The following LPXN variants were observed in gnomAD, a reference collection of about 807,000 sequenced individuals.
LPXN encodes the protein leupaxin.
Under a neutral mutation model 45.6 loss-of-function variants are expected in LPXN, and 28 were observed. That is an observed-to-expected ratio of 0.61 (90% confidence interval 0.45 to 0.84). The LOEUF (loss-of-function observed/expected upper bound fraction) is 0.84. Ranked by LOEUF, LPXN falls within the 40% of genes least tolerant of loss-of-function variation. The pLI, the probability that LPXN is intolerant of heterozygous loss-of-function variation, is 0.00. For synonymous variants in LPXN, 166 were observed against 169.9 expected (o/e 0.98, Z 0.18); for missense variants, 459 against 475.0 (o/e 0.97, Z 0.31).
intron 3 of LPXN, among the ~76,000 whole-genome samples, chr11:58,561,260 G>GA (rs575779310): frequency 4.1e-3 from 626 of 152,074 alleles, no homozygotes; most frequent in Non-Finnish European, 7.2e-3. Flanking sequence ...TTACCAGCCA[G>GA]AAAAAAAGTA....
intron 7 of LPXN, among the ~76,000 whole-genome samples, chr11:58,531,179 A>T (rs1853376475): frequency 6.6e-6 from 1 of 152,126 alleles, no homozygotes; most frequent in Non-Finnish European, 1.5e-5. Context: ...ACACCAAGGG[A>T]ACAAAACTGG....
Position 58,573,246 on chromosome 11 carries a change from CA to C in LPXN, c.13+2513del, listed in dbSNP as rs59534059. On this transcript the variant is annotated intron_variant, in intron 1 of 8. Transcript: ENST00000395074. ...GGGCAACAAGAGCAAAACTCCGTCT[CA>C]AAAAAAAAAAAAAAGAAAAGAAAAG... Among the ~76,000 whole-genome samples, 444 of 90,440 alleles carry C rather than the reference CA, an allele frequency of 4.9e-3. 2 individuals are homozygous for C. Among genetic ancestry groups the C allele is most frequent in the African/African-American group, 9.5e-3 (295 of 31,058 alleles). The allele number at this position is 90,440 out of a possible 152,430, so 59.3% of individuals were successfully genotyped here. A position where few individuals can be genotyped will look rare whatever the true frequency, so the allele number is the denominator to read the frequency against.
At chr11:58,572,413 G>C (rs2134359200) in intron 1 of LPXN, among the ~76,000 whole-genome samples, 1 of 151,954 alleles carries the variant, frequency 6.6e-6, no homozygotes, top group South Asian at 2.1e-4. Context: ...ATGAATAACT[G>C]TAATGGGAAA....
intron 7 of LPXN, among the ~76,000 whole-genome samples, chr11:58,537,713 G>A (rs991973077): frequency 1.3e-5 from 2 of 152,098 alleles, no homozygotes; most frequent in Non-Finnish European, 2.9e-5. Context: ...AGTGTTCAGA[G>A]TGTACAGTCC....
intron 3 of LPXN, among the ~76,000 whole-genome samples, chr11:58,556,512 A>C (rs760623879): frequency 2.2e-4 from 34 of 152,132 alleles, no homozygotes; most frequent in Non-Finnish European, 1.5e-4. Flanking sequence ...ATACATTATC[A>C]AACACATTTA....
At chr11:58,563,525 A>G (rs946260457) in intron 3 of LPXN, among the ~76,000 whole-genome samples, 38 of 152,244 alleles carry the variant, frequency 2.5e-4, no homozygotes, top group Admixed American at 2.6e-4. Context: ...TGTTTTCCAG[A>G]AAGTTGTCTG....
At chr11:58,577,104 T>C (rs1237292698), upstream of LPXN, among the ~76,000 whole-genome samples, 3 of 152,140 alleles carry the variant, frequency 2.0e-5, no homozygotes, top group Non-Finnish European at 4.4e-5. Flanking sequence ...CAGTGGCTTT[T>C]TTTTTTTAGG....
upstream of LPXN, chr11:58,576,037 G>T: frequency 1.4e-6 from 1 of 733,946 alleles, no homozygotes; most frequent in Non-Finnish European, 1.7e-6. Context: ...ATTGGCCAGG[G>T]TGATAAAGAT....
At chr11:58,570,750 T>C (rs1475347362) in intron 1 of LPXN, 37 bp from the exon 2 acceptor site, 2 of 1,519,120 alleles carry the variant, frequency 1.3e-6, no homozygotes, top group Admixed American at 1.8e-5. Flanking sequence ...TGACAGAGAA[T>C]ATTTAAATCC....
chr11:58,536,108 C>T (rs1853545999), intron 7 of LPXN, among the ~76,000 whole-genome samples: 1 of 152,182 alleles, frequency 6.6e-6, no homozygotes, highest in African/African-American at 2.4e-5. Context: ...GCATTCAATG[C>T]TATCCCCATC....
chr11:58,560,635 C>T (rs1854345572), intron 3 of LPXN, among the ~76,000 whole-genome samples: 1 of 152,128 alleles, frequency 6.6e-6, no homozygotes, highest in South Asian at 2.1e-4. Context: ...CTATACAGAG[C>T]TTTACACAGG....
rs188055549 is a variant in LPXN, at chr11:58,566,237, T to C, written c.172-2036A>G. ...TAATATATTTGAAATTATGGACAAC[T>C]TTAATTGATGCTTCACTATATGTTT... On this transcript the variant is annotated intron_variant, in intron 2 of 8. Coordinates refer to ENST00000395074, the MANE Select transcript of LPXN (RefSeq NM_004811.3). Among the ~76,000 whole-genome samples, 1,217 of 152,350 alleles carry C rather than the reference T, an allele frequency of 8.0e-3. 15 individuals are homozygous for C. The highest frequency in any genetic ancestry group is 7.7e-3 in the Non-Finnish European group (524 of 68,036).
At chr11:58,549,351 AC>A (rs1853970352) in intron 7 of LPXN, among the ~76,000 whole-genome samples, 1 of 152,138 alleles carries the variant, frequency 6.6e-6, no homozygotes, top group Non-Finnish European at 1.5e-5. Context: ...CGGAGATCGC[AC>A]CAGAGATCGC....
intron 7 of LPXN, among the ~76,000 whole-genome samples, chr11:58,535,303 T>C (rs995997475): frequency 2.6e-5 from 4 of 152,100 alleles, no homozygotes; most frequent in Admixed American, 1.3e-4. Flanking sequence ...TCCAGCAGCA[T>C]ATCAAAAAGC....
At chr11:58,560,876 A>G (rs1012419038) in intron 3 of LPXN, among the ~76,000 whole-genome samples, 1 of 152,248 alleles carries the variant, frequency 6.6e-6, no homozygotes, top group African/African-American at 2.4e-5. Context: ...TATATAATTT[A>G]TCAAACTAAT....
Position 58,554,930 on chromosome 11 carries a change from C to CT in LPXN, c.228dup (p.Glu77ArgfsTer10), listed in dbSNP as rs1291207539. 1.2e-6 allele frequency: 2 copies of CT among 1,613,240 alleles called. No individual in the cohort carries two copies. The highest frequency in any genetic ancestry group is 1.7e-6 in the Non-Finnish European group (2 of 1,179,442). The stretch of plus-strand genomic sequence containing the variant: ...GAAGGTGGTGGTGATTCCTTTGGCT[C>CT]TTGGGCTTCACTATAGAGGGAAAAC... On this transcript the variant is annotated frameshift_variant, in exon 4 of 9. Transcript: ENST00000395074. LOFTEE classifies it high-confidence loss of function.
chr11:58,574,994 A>T (rs1470029650), intron 1 of LPXN, among the ~76,000 whole-genome samples: 2 of 152,250 alleles, frequency 1.3e-5, no homozygotes. Context: ...ACTCAGTGTT[A>T]GTTAAGATGC....
intron 7 of LPXN, among the ~76,000 whole-genome samples, chr11:58,540,921 C>T (rs768930631): frequency 2.0e-5 from 3 of 152,042 alleles, no homozygotes; most frequent in Non-Finnish European, 4.4e-5. Context: ...ACAAACCTGA[C>T]AAAAACAAGC....
In LPXN at chr11:58,527,244, A is replaced by C. The variant is rs976525634; in HGVS notation, c.*210T>G. 4.1e-5 allele frequency: 22 copies of C among 535,312 alleles called. 1 individual carries two copies. The South Asian group carries it at 5.5e-4, about 13-fold the overall frequency. The allele number at this position is 535,312 out of a possible 1,614,324, so 33.2% of individuals were successfully genotyped here. A position where few individuals can be genotyped will look rare whatever the true frequency, so the allele number is the denominator to read the frequency against. ...TTGATTGGAGAAGAGAGGGAGAAAG[A>C]GAATTTATAGAATTAACTGTATAGA... On this transcript the variant is annotated 3_prime_UTR_variant, in exon 9 of 9. Coordinates refer to ENST00000395074, the MANE Select transcript of LPXN (RefSeq NM_004811.3).
Sources: gnomAD v4.1 joint callset for allele counts (sites outside exome capture counted in the v4.1 genomes callset) on GRCh38, gnomAD v4.1.1 for gene constraint, MANE v1.5 for transcripts, NCBI Gene and HGNC (gene_info 2026-07-23, HGNC 2026-07-21) for gene names.